MAG: variants seen among roughly 807,000 people sequenced by gnomAD.
MAG encodes myelin-associated glycoprotein.
MAG carries 30 observed loss-of-function variants against 60.7 expected under a neutral mutation model. The observed-to-expected ratio is 0.49, with a 90% CI of 0.37 to 0.67. MAG has a LOEUF of 0.67. Among genes scored for constraint, MAG ranks in the 30% least tolerant of loss-of-function variants. The pLI is 0.00. For synonymous variants in MAG, 384 were observed against 376.8 expected, an observed-to-expected ratio of 1.02 and a Z score of -0.22; for missense variants, 795 against 851.7, an observed-to-expected ratio of 0.93 and a Z score of 0.83.
At chr19:35,308,122 G>A (rs1377412120) in intron 7 of MAG, among the ~76,000 whole-genome samples, 1 of 152,164 alleles carries the variant, frequency 6.6e-6, no homozygotes. Flanking sequence ...ATGCAGGGAG[G>A]GTGAGTGCTG....
At chr19:35,303,120 C>T (rs568064744) in intron 7 of MAG, among the ~76,000 whole-genome samples, 27 of 152,246 alleles carry the variant, frequency 1.8e-4, no homozygotes, top group Admixed American at 8.5e-4. Flanking sequence ...GACGGGGTTT[C>T]GCCATGTTGG....
chr19:35,309,739 G>T, intron 7 of MAG, 135 bp from the exon 8 acceptor site: 2 of 904,992 alleles, frequency 2.2e-6, no homozygotes, highest in Non-Finnish European at 3.4e-6. Context: ...AAAAAGGAGG[G>T]GAAATTGGAG....
Position 35,295,903 on chromosome 19 carries a change from G to C in MAG, c.337G>C (p.Gly113Arg), listed in dbSNP as rs540231392. 1 of 1,614,036 alleles carries C rather than the reference G, an allele frequency of 6.2e-7. No homozygotes were observed. Among genetic ancestry groups the C allele is most frequent in the East Asian group, 2.2e-5 (1 of 44,886 alleles). ...LLSNVSPELG[G>R]KYYFRGDLGG... ...CAGCAACGTCAGCCCCGAGCTGGGCGGGAAGTACTACTTCCGTGGGGACCT... is the reference window on the plus strand; with the variant it reads ...CAGCAACGTCAGCCCCGAGCTGGGCCGGAAGTACTACTTCCGTGGGGACCT... Residue 113 changes from glycine (G) to arginine (R), a missense_variant, in exon 4 of 11, where the codon GGG becomes CGG. By Grantham distance (125) the Gly-to-Arg change is moderately radical. Coordinates refer to ENST00000392213, the MANE Select transcript of MAG (RefSeq NM_002361.4). This position sits in a 1 kb window ranked among gnomAD's most constrained non-coding sequence, Gnocchi z 5.8.
chr19:35,313,318 G>A lies in MAG; in HGVS notation c.1745G>A (p.Arg582Lys), dbSNP rs200567001. 19 of 1,613,864 alleles carry A rather than the reference G, an allele frequency of 1.2e-5. No individual in the cohort carries two copies. Among genetic ancestry groups the A allele is most frequent in the Non-Finnish European group, 1.4e-5 (17 of 1,179,944 alleles). ...ESERRLGSER[R>K]LLGLRGEPPE... ...GAGAGGCGCCTGGGATCTGAGAGGA[G>A]GCTGCTGGGCCTTCGGGGTGAGCCC... The change falls in exon 11 of 11, where the codon AGG becomes AAG. Residue 582 changes from arginine (R) to lysine (K), a missense_variant. Transcript: ENST00000392213.
intron 10 of MAG, chr19:35,312,246 G>A: frequency 6.2e-7 from 1 of 1,604,012 alleles, no homozygotes; most frequent in South Asian, 1.1e-5. Flanking sequence ...TCCCCTCCCT[G>A]CCTGTGTCTG....
chr19:35,298,304 CCA>C (rs1446035956), intron 4 of MAG, among the ~76,000 whole-genome samples: 4 of 149,960 alleles, frequency 2.7e-5, no homozygotes, highest in Non-Finnish European at 4.4e-5. Context: ...TGCACACACA[CCA>C]CACAGTACCC....
intron 4 of MAG, among the ~76,000 whole-genome samples, chr19:35,298,749 C>T (rs1161034024): frequency 1.3e-5 from 2 of 149,972 alleles, no homozygotes; most frequent in African/African-American, 4.9e-5. Flanking sequence ...ACCACACACA[C>T]CACGTACTAC....
chr19:35,308,551 GCAAGACCCTGT>G (rs2066501684), intron 7 of MAG, among the ~76,000 whole-genome samples: 1 of 152,144 alleles, frequency 6.6e-6, no homozygotes. Context: ...GGGGAACATA[GCAAGACCCTGT>G]CTCTACAAAA....
Position 35,295,493 on chromosome 19 carries a change from C to A in MAG, c.46+39C>A. ...GGTGCTGGGGACCTAAAGGCTTTGG[C>A]CCCTGAGCAGGTTGGAGGTGGGTCC... On this transcript the variant is annotated intron_variant, in intron 3 of 10. Transcript: ENST00000392213. The surrounding 1 kb of genome is among the most constrained non-coding windows in gnomAD (Gnocchi z 5.8). 1 of 1,613,154 alleles carries A rather than the reference C, an allele frequency of 6.2e-7. No homozygotes were observed. The highest frequency in any genetic ancestry group is 8.5e-7 in the Non-Finnish European group (1 of 1,179,654).
intron 1 of MAG, among the ~76,000 whole-genome samples, 198 bp from the exon 2 acceptor site, chr19:35,294,037 T>C (rs536583733): frequency 1.3e-5 from 2 of 152,014 alleles, no homozygotes; most frequent in Admixed American, 1.3e-4. Flanking sequence ...TCCCCACAGT[T>C]CTCTGACACC....
rs1196774018 is a variant in MAG at position 35,295,318 on chromosome 19, C to T, written c.-23-68C>T. 12 of 1,309,162 alleles carry T rather than the reference C, an allele frequency of 9.2e-6. No homozygotes were observed. The highest frequency in any genetic ancestry group is 1.9e-5 in the Admixed American group (1 of 53,100). 81.1% of individuals were successfully genotyped at this position (1,309,162 alleles called of 1,614,324 possible). A position where few individuals can be genotyped will look rare whatever the true frequency, so the allele number is the denominator to read the frequency against. On this transcript the variant is annotated intron_variant, in intron 2 of 10. Coordinates refer to ENST00000392213, the MANE Select transcript of MAG (RefSeq NM_002361.4). This position sits in a 1 kb window ranked among gnomAD's most constrained non-coding sequence, Gnocchi z 5.8. ...CAGCTAACATATGAATGGGCCCCTT[C>T]CTGAAGCCCAGATGGAACACCCCCT...
Position 35,302,539 on chromosome 19 carries a change from C to T in MAG, c.1062C>T (p.Asp354=). The T allele has an allele frequency of 6.2e-7, 1 of 1,614,192 alleles. No individual in the cohort carries two copies. The highest frequency in any genetic ancestry group is 1.3e-5 in the African/African-American group (1 of 75,040). Residue 354 remains aspartate (D), a synonymous_variant, in exon 7 of 11, where the codon GAC becomes GAT. Transcript: ENST00000392213. The part of the protein sequence containing the change: ...SILCSTQSNP[D]PILTIFKEKQ... ...TGTGCTCCACACAGAGCAACCCGGA[C>T]CCTATTCTCACCATCTTCAAGGAGA...
At chr19:35,304,949 G>A (rs2066473452) in intron 7 of MAG, among the ~76,000 whole-genome samples, 1 of 152,196 alleles carries the variant, frequency 6.6e-6, no homozygotes, top group African/African-American at 2.4e-5. Flanking sequence ...AGGCCAGGCA[G>A]CTATAAAAGT....
At chr19:35,312,208 C>A in intron 10 of MAG, 191 bp downstream of exon 10, 1 of 1,423,810 alleles carries the variant, frequency 7.0e-7, no homozygotes, top group Non-Finnish European at 9.9e-7. Flanking sequence ...GTGTAGGGGG[C>A]GATGGGACGT....
At position 35,302,485 on chromosome 19, in the gene MAG, G is replaced by A; in HGVS notation, c.1008G>A (p.Val336=). The change falls in exon 7 of 11, where the codon GTG becomes GTA. Residue 336 remains valine (V), a synonymous_variant. Transcript: ENST00000392213. ...PWKPTVNGTM[V]AVEGETVSIL... ...AGCCAACAGTGAACGGGACAATGGT[G>A]GCCGTAGAGGGGGAGACGGTCTCTA... The A allele has an allele frequency of 1.2e-6, 2 of 1,614,178 alleles. No individual in the cohort carries two copies. Among genetic ancestry groups the A allele is most frequent in the Non-Finnish European group, 1.7e-6 (2 of 1,180,040 alleles).
chr19:35,292,533 C>A (rs369111513), intron 1 of MAG, among the ~76,000 whole-genome samples: 11 of 152,078 alleles, frequency 7.2e-5, no homozygotes, highest in African/African-American at 2.2e-4. Context: ...TGCATCTGGC[C>A]GAAGAATGGA....
chr19:35,296,304 G>A (rs1231716555), intron 4 of MAG, among the ~76,000 whole-genome samples: 1 of 152,198 alleles, frequency 6.6e-6, no homozygotes, highest in Non-Finnish European at 1.5e-5. Context: ...GTGATCTTGG[G>A]CAAGTGACTT....
At chr19:35,307,047 C>A (rs1444209302) in intron 7 of MAG, among the ~76,000 whole-genome samples, 1 of 152,374 alleles carries the variant, frequency 6.6e-6, no homozygotes, top group East Asian at 1.9e-4. Context: ...TGTCGGCGTT[C>A]CGCCGACATC....
intron 7 of MAG, among the ~76,000 whole-genome samples, chr19:35,303,068 C>T (rs1358800849): frequency 3.3e-5 from 5 of 152,004 alleles, no homozygotes; most frequent in Admixed American, 2.0e-4. Context: ...GGATTACAGG[C>T]GCTCGCCACC....
Sources: allele counts gnomAD v4.1 joint callset (sites outside exome capture counted in the v4.1 genomes callset), GRCh38; gene constraint gnomAD v4.1.1; non-coding constraint Gnocchi (gnomAD v3.1); transcripts MANE v1.5; gene names NCBI Gene and HGNC (gene_info 2026-07-23, HGNC 2026-07-21).